Variants in RIC3 observed in about 807,000 individuals in gnomAD.
RIC3 encodes RIC3 acetylcholine receptor chaperone.
In RIC3, 28 loss-of-function variants were observed where a neutral mutation model predicts 27.3. That is an observed-to-expected ratio of 1.02 (90% CI 0.76 to 1.41). The LOEUF (loss-of-function observed/expected upper bound fraction) is 1.41, where lower values mean the gene tolerates loss of function less well. Among genes scored for constraint, RIC3 ranks in the 40% most tolerant of loss-of-function variants. The pLI is 0.00. For missense variants in RIC3, 501 were observed against 444.7 expected (o/e 1.13, Z -1.14); for synonymous variants, 184 against 160.4 (o/e 1.15, Z -1.11).
intron 4 of RIC3, chr11:8,127,016 A>C: frequency 1.6e-6 from 1 of 610,050 alleles, no homozygotes; most frequent in Non-Finnish European, 2.8e-6. Context: ...TAAAGCCCAG[A>C]ATAGATCAAG....
intron 1 of RIC3, among the ~76,000 whole-genome samples, chr11:8,158,041 A>C (rs1410972969): frequency 6.6e-6 from 1 of 152,186 alleles, no homozygotes; most frequent in East Asian, 1.9e-4. Flanking sequence ...ATAAATGGTA[A>C]CCAACCAAAA....
At chr11:8,101,126 A>C, downstream of RIC3, 2 of 1,144,978 alleles carry the variant, frequency 1.7e-6, no homozygotes, top group Non-Finnish European at 2.5e-6. Context: ...CTAAGGTTAG[A>C]TGTATGGAAC....
chr11:8,140,350 C>T (rs1948913108), intron 1 of RIC3, among the ~76,000 whole-genome samples, 157 bp from the exon 2 acceptor site: 1 of 152,086 alleles, frequency 6.6e-6, no homozygotes, highest in Admixed American at 6.5e-5. Context: ...CACACATATC[C>T]TAAATATGAT....
At chr11:8,119,246 A>G (rs948063037) in intron 5 of RIC3, among the ~76,000 whole-genome samples, 3 of 152,158 alleles carry the variant, frequency 2.0e-5, no homozygotes, top group African/African-American at 7.2e-5. Flanking sequence ...ATCCAACCAA[A>G]TTCAGATTTT....
downstream of RIC3, chr11:8,101,440 T>C (rs2133918659): frequency 6.2e-7 from 1 of 1,609,674 alleles, no homozygotes; most frequent in Non-Finnish European, 8.5e-7. Context: ...GGCTCTACCA[T>C]TCCTGTCCTG....
chr11:8,136,124 CA>C (rs1948382239), intron 4 of RIC3, among the ~76,000 whole-genome samples: 1 of 152,152 alleles, frequency 6.6e-6, no homozygotes, highest in Non-Finnish European at 1.5e-5. Context: ...TTCATCCTCA[CA>C]AATGTCATTT....
intron 2 of RIC3, 111 bp downstream of exon 2, chr11:8,139,856 G>T: frequency 2.1e-6 from 2 of 939,080 alleles, no homozygotes; most frequent in Non-Finnish European, 3.2e-6. Flanking sequence ...TTAAAGAGAT[G>T]ATGGATTTGA....
chr11:8,150,887 C>T (rs1054848804), intron 1 of RIC3, among the ~76,000 whole-genome samples: 1 of 152,148 alleles, frequency 6.6e-6, no homozygotes, highest in Non-Finnish European at 1.5e-5. Context: ...CAAAGGGGGC[C>T]TTAAAAGTCA....
At position 8,168,960 on chromosome 11, in the gene RIC3, A is replaced by G. The variant is rs776654508; in HGVS notation, c.30T>C (p.Ala10=). The change falls in exon 1 of 6, where the codon GCT becomes GCC. Residue 10 remains alanine, a synonymous_variant. Coordinates refer to ENST00000309737, the MANE Select transcript of RIC3 (RefSeq NM_001206671.4). The stretch of plus-strand genomic sequence containing the variant: ...GAGCCAGGACAAGCCCAGAAGCCAG[A>G]GCGACTCTCTGCACTGTGGAGTACG... MAYSTVQRV[A]LASGLVLALS... is the part of the protein sequence containing the mutation. The G allele has an allele frequency of 1.2e-6, 2 of 1,609,116 alleles. No individual in the cohort carries two copies. Among genetic ancestry groups the G allele is most frequent in the Admixed American group, 3.4e-5 (2 of 59,468 alleles).
At chr11:8,137,275 C>A in intron 4 of RIC3, 103 bp downstream of exon 4, 1 of 917,148 alleles carries the variant, frequency 1.1e-6, no homozygotes, top group Non-Finnish European at 1.7e-6. Context: ...CCACCCACCT[C>A]GGCCTCCCAA....
At chr11:8,116,012 G>A (rs1945827740) in intron 5 of RIC3, among the ~76,000 whole-genome samples, 1 of 152,162 alleles carries the variant, frequency 6.6e-6, no homozygotes, top group African/African-American at 2.4e-5. Context: ...CAAAGCTATA[G>A]TAATCAAAAC....
chr11:8,164,396 C>A (rs1024645521), intron 1 of RIC3, among the ~76,000 whole-genome samples: 2 of 152,058 alleles, frequency 1.3e-5, no homozygotes, highest in African/African-American at 4.8e-5. Flanking sequence ...TGAAGGCAAC[C>A]ACTGAATGGA....
chr11:8,168,904 G>A lies in RIC3; in HGVS notation c.86C>T (p.Ser29Phe). The A allele has an allele frequency of 1.9e-6, 3 of 1,612,064 alleles. No individual in the cohort carries two copies. Among genetic ancestry groups the A allele is most frequent in the Non-Finnish European group, 2.5e-6 (3 of 1,179,164 alleles). The part of the protein sequence containing the change: ...LSLLLPKAFL[S>F]RGKRQEPPPT... ...CGGCGGCTCCTGCCGCTTCCCGCGGGACAGGAAGGCCTTGGGCAGCAGCAG... is the reference window on the plus strand; with the variant it reads ...CGGCGGCTCCTGCCGCTTCCCGCGGAACAGGAAGGCCTTGGGCAGCAGCAG... Residue 29 changes from serine to phenylalanine, a missense_variant, in exon 1 of 6, where the codon TCC becomes TTC. Transcript: ENST00000309737.
intron 1 of RIC3, among the ~76,000 whole-genome samples, chr11:8,155,547 G>A (rs928846069): frequency 1.3e-5 from 2 of 152,152 alleles, no homozygotes; most frequent in African/African-American, 4.8e-5. Flanking sequence ...CTGCACTCCA[G>A]CGTAGGTGAC....
At position 8,110,657 on chromosome 11, in the gene RIC3, A is replaced by T. The variant is rs1425312724; in HGVS notation, c.*41T>A. 6.4e-7 allele frequency: 1 copy of T among 1,565,846 alleles called. No individual in the cohort carries two copies. The highest frequency in any genetic ancestry group is 8.8e-7 in the Non-Finnish European group (1 of 1,136,882). On this transcript the variant is annotated 3_prime_UTR_variant, in exon 6 of 6. Transcript: ENST00000309737. ...AAGGAAATCTGAGGAGAGAGAGGTCACCTTGGGACTTGAGTAATGGATACT... is the reference window on the plus strand; with the variant it reads ...AAGGAAATCTGAGGAGAGAGAGGTCTCCTTGGGACTTGAGTAATGGATACT...
chr11:8,112,579 G>A (rs780217491), intron 5 of RIC3, among the ~76,000 whole-genome samples: 1 of 152,134 alleles, frequency 6.6e-6, no homozygotes, highest in South Asian at 2.1e-4. Context: ...ACAGGCATGA[G>A]CCACCGCGCC....
chr11:8,093,925 G>A, the RIC3 span: 8 of 1,140,942 alleles, frequency 7.0e-6, no homozygotes, highest in Admixed American at 5.6e-5. Flanking sequence ...GTGGTACAGG[G>A]GCCCTGGTGG....
At chr11:8,128,215 T>C (rs1338270468) in intron 4 of RIC3, 1 of 457,428 alleles carries the variant, frequency 2.2e-6, no homozygotes. Context: ...CTAGAAGAGC[T>C]TACCTGCTTA....
chr11:8,094,285 G>C, the RIC3 span: 1 of 1,428,414 alleles, frequency 7.0e-7, no homozygotes, highest in Admixed American at 2.5e-5. Flanking sequence ...GGAGGGATAG[G>C]ATGAACAGCC....
Sources: allele counts gnomAD v4.1 joint callset (sites outside exome capture counted in the v4.1 genomes callset), GRCh38; gene constraint gnomAD v4.1.1; transcripts MANE v1.5; gene names NCBI Gene and HGNC (gene_info 2026-07-23, HGNC 2026-07-21).